Variants in WWOX observed in about 807,000 individuals in gnomAD.
WWOX encodes the protein WW domain-containing oxidoreductase.
In WWOX, 69 loss-of-function variants were observed where a neutral mutation model predicts 46.2. The ratio of observed to expected loss-of-function variants is 1.49; its 90% CI spans 1.23 to 1.82. The LOEUF (loss-of-function observed/expected upper bound fraction) is 1.82. Ranked by LOEUF, WWOX falls within the 40% of genes most tolerant of loss-of-function variation. The pLI, the probability that WWOX is intolerant of heterozygous loss-of-function variation, is 0.00. For missense variants in WWOX, 919 were observed against 542.6 expected (o/e 1.69, Z -6.89); for synonymous variants, 359 against 202.6 (o/e 1.77, Z -6.56).
chr16:79,148,919 GT>G (rs1226480127), intron 8 of WWOX, among the ~76,000 whole-genome samples: 1 of 151,862 alleles, frequency 6.6e-6, no homozygotes, highest in Non-Finnish European at 1.5e-5. Flanking sequence ...TTTTATTTTT[GT>G]TTGTATTTGT....
chr16:79,051,820 C>T (rs569648230), intron 8 of WWOX, among the ~76,000 whole-genome samples: 1 of 152,328 alleles, frequency 6.6e-6, no homozygotes, highest in African/African-American at 2.4e-5. Context: ...TATCTGCTAG[C>T]TGTAATGAAG....
chr16:79,198,705 C>A (rs1164854633), intron 8 of WWOX, among the ~76,000 whole-genome samples: 2 of 152,208 alleles, frequency 1.3e-5, no homozygotes, highest in African/African-American at 4.8e-5. Flanking sequence ...TGACCTGGGG[C>A]AGGTTGCTTA....
At chr16:78,806,198 A>G (rs1278907893) in intron 8 of WWOX, among the ~76,000 whole-genome samples, 1 of 152,130 alleles carries the variant, frequency 6.6e-6, no homozygotes. Flanking sequence ...GTGTTTTTCT[A>G]CAACCAAGAC....
intron 8 of WWOX, among the ~76,000 whole-genome samples, chr16:78,827,328 C>G (rs969969375): frequency 2.0e-5 from 3 of 152,022 alleles, no homozygotes; most frequent in African/African-American, 4.8e-5. Flanking sequence ...GGGGGAAGCA[C>G]GATGATCTTG....
chr16:79,013,179 C>T (rs1301672980), intron 8 of WWOX, among the ~76,000 whole-genome samples: 1 of 152,218 alleles, frequency 6.6e-6, no homozygotes, highest in Non-Finnish European at 1.5e-5. Flanking sequence ...CCGCCCACCG[C>T]ACAGCCCCAG....
intron 8 of WWOX, among the ~76,000 whole-genome samples, chr16:78,556,459 C>G (rs183026626): frequency 6.6e-6 from 1 of 152,152 alleles, no homozygotes; most frequent in African/African-American, 2.4e-5. Context: ...GATGGAGCAC[C>G]CTGTTCCCAT....
At chr16:78,785,449 C>T (rs1282336885) in intron 8 of WWOX, among the ~76,000 whole-genome samples, 2 of 152,218 alleles carry the variant, frequency 1.3e-5, no homozygotes, top group Non-Finnish European at 2.9e-5. Flanking sequence ...AAATGATTAA[C>T]AACTGGCTCT....
chr16:78,755,065 G>T (rs2049605927), intron 8 of WWOX, among the ~76,000 whole-genome samples: 1 of 151,684 alleles, frequency 6.6e-6, no homozygotes, highest in African/African-American at 2.4e-5. Flanking sequence ...GGGGGAAAGG[G>T]GAGGGAGAGC....
intron 8 of WWOX, among the ~76,000 whole-genome samples, chr16:78,609,799 T>A (rs562865189): frequency 1.6e-4 from 24 of 152,338 alleles, no homozygotes; most frequent in African/African-American, 5.8e-4. Context: ...TGAAAATATT[T>A]TTTCCAAAGC....
At chr16:78,360,473 T>C (rs1183096017) in intron 5 of WWOX, among the ~76,000 whole-genome samples, 1 of 151,406 alleles carries the variant, frequency 6.6e-6, no homozygotes, top group African/African-American at 2.4e-5. Flanking sequence ...TAATCCCAGA[T>C]ACTTGGGAGG....
At chr16:78,636,251 G>C (rs1303625443) in intron 8 of WWOX, among the ~76,000 whole-genome samples, 1 of 152,182 alleles carries the variant, frequency 6.6e-6, no homozygotes, top group East Asian at 1.9e-4. Flanking sequence ...AGGGGAGGGA[G>C]CTAAGGGTTA....
chr16:78,763,358 A>G (rs1170745344), intron 8 of WWOX, among the ~76,000 whole-genome samples: 1 of 152,150 alleles, frequency 6.6e-6, no homozygotes, highest in Non-Finnish European at 1.5e-5. Flanking sequence ...TTATTACAGC[A>G]TTTACTTGTT....
intron 8 of WWOX, among the ~76,000 whole-genome samples, chr16:79,150,988 G>T (rs2050267882): frequency 6.6e-6 from 1 of 152,112 alleles, no homozygotes; most frequent in South Asian, 2.1e-4. Context: ...CTGATTTGAG[G>T]CTTTGTAGGA....
At chr16:78,766,488 T>C (rs2049927674) in intron 8 of WWOX, among the ~76,000 whole-genome samples, 1 of 152,168 alleles carries the variant, frequency 6.6e-6, no homozygotes, top group Non-Finnish European at 1.5e-5. Flanking sequence ...TTCAGGCAGC[T>C]GAGGCAGGAG....
intron 5 of WWOX, among the ~76,000 whole-genome samples, chr16:78,369,634 A>T (rs571678969): frequency 6.6e-6 from 1 of 152,040 alleles, no homozygotes. Context: ...CATTTTCATT[A>T]CATACTGTTA....
intron 5 of WWOX, among the ~76,000 whole-genome samples, chr16:78,333,043 C>CTTTATTTTTTTTTTTTTTTTT (rs2080797816): frequency 1.8e-5 from 1 of 57,094 alleles, no homozygotes; most frequent in Non-Finnish European, 3.8e-5. Context: ...GAGCATTATA[C>CTTTATTTTTTTTTTTTTTTTT]TTTTTTTTTT....
chr16:78,476,538 C>T (rs553536908), intron 8 of WWOX, among the ~76,000 whole-genome samples: 1 of 151,936 alleles, frequency 6.6e-6, no homozygotes, highest in Non-Finnish European at 1.5e-5. Flanking sequence ...CACACCAACA[C>T]AGCACATGTC....
At chr16:78,114,916 C>T in intron 3 of WWOX, 60 bp from the exon 4 acceptor site, 1 of 1,609,224 alleles carries the variant, frequency 6.2e-7, no homozygotes, top group Non-Finnish European at 8.5e-7. Flanking sequence ...ATAAGATTGT[C>T]TTATATTTAT....
intron 8 of WWOX, among the ~76,000 whole-genome samples, chr16:79,121,204 C>T (rs1178313483): frequency 2.6e-5 from 4 of 152,086 alleles, no homozygotes; most frequent in East Asian, 1.9e-4. Context: ...TTACAGGTTC[C>T]GGGGAGTTGA....
Sources: gnomAD v4.1 joint callset for allele counts (sites outside exome capture counted in the v4.1 genomes callset) on GRCh38, gnomAD v4.1.1 for gene constraint, MANE v1.5 for transcripts, NCBI Gene and HGNC (gene_info 2026-07-23, HGNC 2026-07-21) for gene names.